The following ZFYVE9 variants were observed in gnomAD, a reference collection of about 807,000 sequenced individuals.
ZFYVE9 encodes the protein zinc finger FYVE-type containing 9.
In ZFYVE9, 43 loss-of-function variants were observed where a neutral mutation model predicts 126.7. That is an observed-to-expected ratio of 0.34 (90% CI 0.27 to 0.44). The LOEUF (loss-of-function observed/expected upper bound fraction) is 0.44, where lower values mean the gene tolerates loss of function less well. ZFYVE9 is among the 20% of genes least tolerant of loss of function. The probability of loss-of-function intolerance (pLI) is 1.00; values close to 1 mark genes in which losing one functional copy is unlikely to be tolerated. For missense variants in ZFYVE9, 1,476 were observed against 1,697.0 expected (o/e 0.87, Z 2.29); for synonymous variants, 521 against 597.4 (o/e 0.87, Z 1.87).
intron 14 of ZFYVE9, among the ~76,000 whole-genome samples, chr1:52,333,209 A>G (rs892164446): frequency 6.6e-6 from 1 of 151,984 alleles, no homozygotes; most frequent in Non-Finnish European, 1.5e-5. Flanking sequence ...GGGTGCAGCA[A>G]AACTAACATG....
intron 9 of ZFYVE9, among the ~76,000 whole-genome samples, chr1:52,281,115 TTTTTC>T (rs891573563): frequency 9.9e-5 from 15 of 151,540 alleles, no homozygotes; most frequent in Admixed American, 3.9e-4. Flanking sequence ...ATTTCAATCA[TTTTTC>T]TTTTCTTTTC....
chr1:52,266,616 G>T, intron 5 of ZFYVE9, 39 bp from the exon 6 acceptor site: 1 of 1,510,422 alleles, frequency 6.6e-7, no homozygotes, highest in Non-Finnish European at 8.9e-7. Context: ...TCCATATTTT[G>T]CAATCCATTC....
chr1:52,242,031 C>CTTTTTTTTTTTTT (rs975430437), intron 4 of ZFYVE9, among the ~76,000 whole-genome samples: 2 of 106,440 alleles, frequency 1.9e-5, no homozygotes, highest in Non-Finnish European at 1.8e-5. Flanking sequence ...TCATGGCAAT[C>CTTTTTTTTTTTTT]TTTTTTTTTT....
chr1:52,283,124 C>T (rs777844283), intron 10 of ZFYVE9, among the ~76,000 whole-genome samples: 1 of 152,120 alleles, frequency 6.6e-6, no homozygotes, highest in Non-Finnish European at 1.5e-5. Context: ...TCCAGGTCCT[C>T]CAGGCCACAT....
intron 7 of ZFYVE9, among the ~76,000 whole-genome samples, chr1:52,270,857 A>G (rs1045737989): frequency 1.3e-5 from 2 of 151,352 alleles, no homozygotes; most frequent in African/African-American, 4.9e-5. Context: ...TGACAATCCT[A>G]CATAAGTGAG....
At chr1:52,282,954 G>T (rs1569665639) in intron 10 of ZFYVE9, among the ~76,000 whole-genome samples, 1 of 152,188 alleles carries the variant, frequency 6.6e-6, no homozygotes, top group East Asian at 1.9e-4. Flanking sequence ...ATGCGTAAAA[G>T]ATTGTGCCTT....
rs150441388 is a variant in ZFYVE9, at chr1:52,286,439, A to G, written c.3025+4623A>G. Among the ~76,000 whole-genome samples the G allele has an allele frequency of 1.2e-4, 19 of 152,336 alleles. No individual in the cohort carries two copies. In the East Asian group the frequency reaches 1.9e-3, roughly 15 times the overall value. On this transcript the variant is annotated intron_variant, in intron 10 of 18. Transcript: ENST00000287727. ...GTGTGTGTATCTGTGTTTCACATAT[A>G]TATACACACACACTTTTTTGTCATA... is the stretch of plus-strand genomic sequence containing the variant.
intron 4 of ZFYVE9, among the ~76,000 whole-genome samples, chr1:52,250,812 G>A (rs1322384029): frequency 6.6e-6 from 1 of 151,234 alleles, no homozygotes; most frequent in Non-Finnish European, 1.5e-5. Context: ...TGGGCTCAAG[G>A]TATCCTCCCA....
chr1:52,187,812 A>G (rs1032410872), intron 1 of ZFYVE9, among the ~76,000 whole-genome samples: 3 of 152,214 alleles, frequency 2.0e-5, no homozygotes, highest in Non-Finnish European at 4.4e-5. Flanking sequence ...ACAGATGCTG[A>G]CAAGGTTGTG....
intron 4 of ZFYVE9, among the ~76,000 whole-genome samples, chr1:52,245,457 T>C (rs952954211): frequency 2.6e-5 from 4 of 152,170 alleles, no homozygotes; most frequent in African/African-American, 7.2e-5. Context: ...GTTTACCATG[T>C]GCCAGGCGCT....
chr1:52,146,760 A>G (rs1050067040), intron 1 of ZFYVE9, among the ~76,000 whole-genome samples: 5 of 152,214 alleles, frequency 3.3e-5, no homozygotes, highest in African/African-American at 9.6e-5. Flanking sequence ...CTAATTTTGA[A>G]GTATTAGAGA....
intron 4 of ZFYVE9, chr1:52,254,200 A>G: frequency 1.9e-6 from 1 of 524,668 alleles, no homozygotes; most frequent in Admixed American, 2.9e-5. Context: ...ATGATATGGA[A>G]GTCATTAAAC....
chr1:52,146,027 CCACACACACACACA>C (rs1168051378), intron 1 of ZFYVE9, among the ~76,000 whole-genome samples: 29 of 146,292 alleles, frequency 2.0e-4, no homozygotes, highest in Admixed American at 1.5e-3. Flanking sequence ...TCAAAAATAT[CCACACACACACACA>C]CACACACACA....
At chr1:52,342,537 CTT>C (rs11327271) in intron 17 of ZFYVE9, among the ~76,000 whole-genome samples, 172 of 127,454 alleles carry the variant, frequency 1.3e-3, no homozygotes, top group Non-Finnish European at 1.3e-3. Flanking sequence ...CCCAAAGTGC[CTT>C]TTTTTTTTTT....
At chr1:52,209,471 C>G (rs546694601) in intron 1 of ZFYVE9, among the ~76,000 whole-genome samples, 92 of 152,128 alleles carry the variant, frequency 6.0e-4, no homozygotes, top group African/African-American at 2.1e-3. Context: ...CCAAAAACTC[C>G]CTACCCATTA....
At chr1:52,145,246 C>T (rs920025461) in intron 1 of ZFYVE9, among the ~76,000 whole-genome samples, 6 of 152,196 alleles carry the variant, frequency 3.9e-5, no homozygotes, top group Non-Finnish European at 7.4e-5. Context: ...TTCCTATTAA[C>T]TCTTTTAGAA....
At chr1:52,241,555 C>A (rs1023837071) in intron 4 of ZFYVE9, among the ~76,000 whole-genome samples, 1 of 151,838 alleles carries the variant, frequency 6.6e-6, no homozygotes, top group Non-Finnish European at 1.5e-5. Context: ...TAAATAGGTA[C>A]CTTAGATGGA....
At chr1:52,211,476 T>C (rs781176542) in intron 1 of ZFYVE9, among the ~76,000 whole-genome samples, 23 of 152,348 alleles carry the variant, frequency 1.5e-4, no homozygotes, top group Non-Finnish European at 2.8e-4. Context: ...GAAGATTGAA[T>C]GTGATTTTGT....
At chr1:52,305,885 C>G (rs1486752199) in intron 13 of ZFYVE9, among the ~76,000 whole-genome samples, 1 of 152,214 alleles carries the variant, frequency 6.6e-6, no homozygotes, top group African/African-American at 2.4e-5. Context: ...TGCTGACACA[C>G]CAGTGCCCTG....
Sources: allele counts gnomAD v4.1 joint callset (sites outside exome capture counted in the v4.1 genomes callset), GRCh38; gene constraint gnomAD v4.1.1; transcripts MANE v1.5; gene names NCBI Gene and HGNC (gene_info 2026-07-23, HGNC 2026-07-21).